Variants in STARD13 observed in about 807,000 individuals in gnomAD.
The protein encoded by STARD13 is StAR related lipid transfer domain containing 13, also known as stAR-related lipid transfer protein 13.
Under a neutral mutation model 106.4 loss-of-function variants are expected in STARD13, and 62 were observed. The ratio of observed to expected loss-of-function variants is 0.58; its 90% CI spans 0.48 to 0.72. The LOEUF (loss-of-function observed/expected upper bound fraction) is 0.72, where lower values mean the gene tolerates loss of function less well. STARD13 is among the 30% of genes least tolerant of loss of function. The pLI is 0.00. For synonymous variants in STARD13, 565 were observed against 553.0 expected (o/e 1.02, Z -0.31); for missense variants, 1,387 against 1,424.0 (o/e 0.97, Z 0.42).
At position 33,105,480 on chromosome 13, in the gene STARD13, A is replaced by G; in HGVS notation, c.*113T>C. 6.7e-6 allele frequency: 5 copies of G among 745,882 alleles called. No individual in the cohort carries two copies. The highest frequency in any genetic ancestry group is 9.3e-6 in the Non-Finnish European group (4 of 431,494). The allele number at this position is 745,882 out of a possible 1,614,324, so 46.2% of individuals were successfully genotyped here. On this transcript the variant is annotated 3_prime_UTR_variant, in exon 14 of 14. Coordinates refer to ENST00000336934, the MANE Select transcript of STARD13 (RefSeq NM_178006.4). ...CTTCTTAACGTTTCCATTTTTAGGC[A>G]TTAACCGCGTCCTTCAGTTCCTCTT...
the STARD13 span, among the ~76,000 whole-genome samples, chr13:33,383,973 GT>G: frequency 6.6e-6 from 1 of 152,012 alleles, no homozygotes; most frequent in Admixed American, 6.6e-5. Flanking sequence ...AGGGCACCAG[GT>G]TCGATTATTA....
intron 1 of STARD13, among the ~76,000 whole-genome samples, chr13:33,323,381 C>T (rs574658671): frequency 1.3e-5 from 2 of 152,328 alleles, no homozygotes; most frequent in South Asian, 4.1e-4. Context: ...CCTACAGATG[C>T]TGTTAGCCTC....
At chr13:33,165,227 G>T in intron 3 of STARD13, 110 bp downstream of exon 3, 1 of 818,864 alleles carries the variant, frequency 1.2e-6, no homozygotes, top group South Asian at 1.4e-5. Context: ...TCAGGCACAT[G>T]GTAGGCACTC....
chr13:33,630,192 A>G, the STARD13 span, among the ~76,000 whole-genome samples: 1 of 152,236 alleles, frequency 6.6e-6, no homozygotes, highest in African/African-American at 2.4e-5. Flanking sequence ...AGTGTTTCCC[A>G]GAGCGACTCA....
the STARD13 span, among the ~76,000 whole-genome samples, chr13:33,394,547 G>A: frequency 6.6e-6 from 1 of 152,180 alleles, no homozygotes; most frequent in East Asian, 1.9e-4. Flanking sequence ...CTAGGGGACA[G>A]TCACATTATC....
Position 33,103,192 on chromosome 13 carries a change from A to G in STARD13, c.*2401T>C, listed in dbSNP as rs1873293670. On this transcript the variant is annotated 3_prime_UTR_variant, in exon 14 of 14. Transcript: ENST00000336934. ...TATAAATTTATTTGCCTTGGCAATT[A>G]TTTATTTACAATTGATGATTGATAT... 2 of 152,620 alleles carry G rather than the reference A, an allele frequency of 1.3e-5. No individual in the cohort carries two copies. Among genetic ancestry groups the G allele is most frequent in the African/African-American group, 4.8e-5 (2 of 41,454 alleles). The allele number at this position is 152,620 out of a possible 1,614,324, so 9.5% of individuals were successfully genotyped here.
the STARD13 span, among the ~76,000 whole-genome samples, chr13:33,507,386 ATTG>A: frequency 2.0e-5 from 3 of 152,230 alleles, no homozygotes; most frequent in African/African-American, 4.8e-5. Context: ...TGGGATTATT[ATTG>A]TTATTTTAAA....
intron 5 of STARD13, among the ~76,000 whole-genome samples, chr13:33,128,550 G>C (rs1877600279): frequency 6.6e-6 from 1 of 152,172 alleles, no homozygotes; most frequent in Non-Finnish European, 1.5e-5. Flanking sequence ...AAAATTTGGG[G>C]AAGAGACATT....
At chr13:33,141,476 C>T (rs1448999501) in intron 4 of STARD13, among the ~76,000 whole-genome samples, 3 of 152,136 alleles carry the variant, frequency 2.0e-5, no homozygotes, top group Non-Finnish European at 4.4e-5. Context: ...CTAGTCTTAT[C>T]CATAAAGAGG....
the STARD13 span, among the ~76,000 whole-genome samples, chr13:33,482,980 A>G: frequency 8.5e-5 from 13 of 152,240 alleles, no homozygotes. Flanking sequence ...AAGGATTTGC[A>G]TTGATTTGGG....
In STARD13 at chr13:33,128,984, C is replaced by T; in HGVS notation, c.1693G>A (p.Gly565Arg). The T allele has an allele frequency of 6.2e-7, 1 of 1,614,038 alleles. No individual in the cohort carries two copies. The highest frequency in any genetic ancestry group is 8.5e-7 in the Non-Finnish European group (1 of 1,180,010). ...CCAGAATCCCTCCTGTCTCTGACCC[C>T]AGGAGGCTCAGATTCATTAAGAGAT... Reference protein sequence around the residue: ...VTSLNESEPPGVRDRRDSGVG... With the variant: ...VTSLNESEPPRVRDRRDSGVG... Residue 565 changes from glycine (G) to arginine (R), a missense_variant, in exon 5 of 14, where the codon GGG (glycine) becomes AGG (arginine). Transcript: ENST00000336934.
intron 1 of STARD13, among the ~76,000 whole-genome samples, chr13:33,316,893 C>G (rs947271056): frequency 2.0e-5 from 3 of 152,172 alleles, no homozygotes; most frequent in African/African-American, 7.2e-5. Context: ...TTGACAAACT[C>G]ATGATAATTT....
At chr13:33,463,180 G>A in the STARD13 span, among the ~76,000 whole-genome samples, 1 of 152,218 alleles carries the variant, frequency 6.6e-6, no homozygotes, top group Non-Finnish European at 1.5e-5. Flanking sequence ...GGGTGAGCCT[G>A]TGGTGTTAGA....
intron 1 of STARD13, among the ~76,000 whole-genome samples, chr13:33,257,314 G>A (rs1305640551): frequency 6.6e-6 from 1 of 152,196 alleles, no homozygotes; most frequent in Non-Finnish European, 1.5e-5. Context: ...ATAGTCAAGA[G>A]AAGCAGAGAA....
intron 1 of STARD13, among the ~76,000 whole-genome samples, chr13:33,201,031 T>TA (rs1215020145): frequency 7.3e-6 from 1 of 137,646 alleles, no homozygotes; most frequent in Non-Finnish European, 1.6e-5. Flanking sequence ...ATCTCAAAAA[T>TA]AAAAAATAAA....
chr13:33,350,348 G>C, exon 1 of STARD13: 1 of 1,534,534 alleles, frequency 6.5e-7, no homozygotes, highest in Non-Finnish European at 8.7e-7. Context: ...TGGCCGTGGA[G>C]TCCCGCAACT....
chr13:33,387,750 A>C, the STARD13 span, among the ~76,000 whole-genome samples: 1 of 152,232 alleles, frequency 6.6e-6, no homozygotes, highest in African/African-American at 2.4e-5. Context: ...TCCACCTAGC[A>C]ACCTCCATTT....
chr13:33,518,733 G>A, the STARD13 span, among the ~76,000 whole-genome samples: 1 of 152,098 alleles, frequency 6.6e-6, no homozygotes, highest in Non-Finnish European at 1.5e-5. Context: ...AATCACTAAA[G>A]AACCTGAACT....
At chr13:33,193,223 T>G (rs1177294882) in intron 1 of STARD13, among the ~76,000 whole-genome samples, 2 of 152,172 alleles carry the variant, frequency 1.3e-5, no homozygotes, top group Non-Finnish European at 2.9e-5. Context: ...CACAGCAGCA[T>G]GTAGTATGAG....
Sources: allele counts gnomAD v4.1 joint callset (sites outside exome capture counted in the v4.1 genomes callset), GRCh38; gene constraint gnomAD v4.1.1; transcripts MANE v1.5; gene names NCBI Gene and HGNC (gene_info 2026-07-23, HGNC 2026-07-21).